The following RAB40C variants were observed in gnomAD, a reference collection of about 807,000 sequenced individuals.
RAB40C encodes the protein ras-related protein Rab-40C.
RAB40C carries 8 observed loss-of-function variants against 28.1 expected under a neutral mutation model. The observed-to-expected ratio is 0.28, with a 90% CI of 0.17 to 0.51. The LOEUF is 0.51. Ranked by LOEUF, RAB40C falls within the 20% of genes least tolerant of loss-of-function variation. The pLI is 0.97. For synonymous variants in RAB40C, 201 were observed against 171.7 expected (o/e 1.17, Z -1.34); for missense variants, 288 against 405.9 (o/e 0.71, Z 2.50).
chr16:612,935 A>G (rs2036511044), intron 1 of RAB40C, among the ~76,000 whole-genome samples: 1 of 48,328 alleles, frequency 2.1e-5, no homozygotes, highest in Non-Finnish European at 4.0e-5. Context: ...AATCAAGAGC[A>G]CGGGACAGCC....
At chr16:624,610 T>G in intron 3 of RAB40C, 1 of 985,388 alleles carries the variant, frequency 1.0e-6, no homozygotes, top group South Asian at 4.7e-5. Flanking sequence ...TCTTTCAGCC[T>G]CAGCCTCTTG....
Position 613,395 on chromosome 16 carries a change from G to T in RAB40C, c.143-3813G>T, listed in dbSNP as rs114995811. On this transcript the variant is annotated intron_variant, in intron 1 of 5. Transcript: ENST00000248139. The stretch of plus-strand genomic sequence containing the variant: ...TTGAAGAGCAGGGACTGCCGCCCTC[G>T]CCTGTAGAATCAAGAGCAGGACTGC... 2.6e-5 allele frequency among the ~76,000 whole-genome samples: 4 copies of T among 152,028 alleles called. No individual in the cohort carries two copies. The East Asian group carries it at 7.8e-4, about 30-fold the overall frequency.
chr16:616,221 A>G (rs1226171042), intron 1 of RAB40C, among the ~76,000 whole-genome samples: 1 of 149,504 alleles, frequency 6.7e-6, no homozygotes, highest in East Asian at 2.0e-4. Flanking sequence ...GCACCACTGC[A>G]CTCCAGCCTG....
chr16:607,443 C>G (rs2036383131), intron 1 of RAB40C, among the ~76,000 whole-genome samples: 1 of 146,982 alleles, frequency 6.8e-6, no homozygotes, highest in Non-Finnish European at 1.5e-5. Flanking sequence ...GTAGAGGTTG[C>G]AGTGAGCTGA....
chr16:595,117 C>T (rs1307768185), intron 1 of RAB40C, among the ~76,000 whole-genome samples: 1 of 152,182 alleles, frequency 6.6e-6, no homozygotes, highest in African/African-American at 2.4e-5. Flanking sequence ...GTTTGCCTTT[C>T]CTCTGTGAGG....
intron 1 of RAB40C, among the ~76,000 whole-genome samples, chr16:598,562 A>C (rs1180375520): frequency 7.3e-6 from 1 of 136,160 alleles, no homozygotes; most frequent in East Asian, 2.1e-4. Context: ...TCTGTCTCAC[A>C]AAAAAAAAAA....
intron 1 of RAB40C, among the ~76,000 whole-genome samples, chr16:599,550 G>A (rs997220646): frequency 2.6e-5 from 4 of 152,238 alleles, no homozygotes; most frequent in South Asian, 2.1e-4. Flanking sequence ...GTGGGTGTTC[G>A]CTACTGTCAG....
chr16:600,776 G>C (rs574411260), intron 1 of RAB40C, among the ~76,000 whole-genome samples: 17 of 152,194 alleles, frequency 1.1e-4, no homozygotes, highest in Non-Finnish European at 2.2e-4. Flanking sequence ...AAGAGCTTTG[G>C]TGCCTACGTG....
At chr16:621,980 T>G (rs1185640027) in intron 3 of RAB40C, among the ~76,000 whole-genome samples, 1 of 152,164 alleles carries the variant, frequency 6.6e-6, no homozygotes, top group Non-Finnish European at 1.5e-5. Context: ...CAGTTGCTCC[T>G]GGGCAGAGCC....
chr16:602,050 C>T (rs1251462182), intron 1 of RAB40C, among the ~76,000 whole-genome samples: 1 of 151,970 alleles, frequency 6.6e-6, no homozygotes, highest in Non-Finnish European at 1.5e-5. Context: ...CGCTTCAACC[C>T]AGGAGGCAGA....
chr16:622,895 C>T (rs1373886907), intron 3 of RAB40C, among the ~76,000 whole-genome samples: 1 of 152,222 alleles, frequency 6.6e-6, no homozygotes, highest in Non-Finnish European at 1.5e-5. Flanking sequence ...CCTTGAGACA[C>T]GCAGCTGAGG....
At chr16:618,860 C>T (rs574904075) in intron 3 of RAB40C, among the ~76,000 whole-genome samples, 1 of 110,646 alleles carries the variant, frequency 9.0e-6, no homozygotes, top group East Asian at 3.1e-4. Context: ...GGCATGTGCA[C>T]AGGTCTGGCG....
chr16:604,485 G>T (rs1418561231), intron 1 of RAB40C, among the ~76,000 whole-genome samples: 2 of 147,520 alleles, frequency 1.4e-5, no homozygotes, highest in Non-Finnish European at 3.1e-5. Flanking sequence ...TAGAATACAC[G>T]TGAGTCCTTC....
chr16:595,845 C>G (rs2036110119), intron 1 of RAB40C, among the ~76,000 whole-genome samples: 1 of 152,180 alleles, frequency 6.6e-6, no homozygotes, highest in Non-Finnish European at 1.5e-5. Flanking sequence ...TTGTGATCCA[C>G]CCTCCTCGGC....
chr16:600,435 CATT>C (rs776983204), intron 1 of RAB40C, among the ~76,000 whole-genome samples: 4 of 147,632 alleles, frequency 2.7e-5, no homozygotes, highest in Non-Finnish European at 4.5e-5. Context: ...GAGTTTAAAA[CATT>C]GTTGTTGGAC....
At chr16:616,405 C>G (rs1596411302) in intron 1 of RAB40C, among the ~76,000 whole-genome samples, 1 of 151,048 alleles carries the variant, frequency 6.6e-6, no homozygotes, top group African/African-American at 2.4e-5. Flanking sequence ...GTGACATGAT[C>G]TCGGCTCACT....
At chr16:590,569 C>G (rs947578361) in intron 1 of RAB40C, 136 bp downstream of exon 1, 1 of 1,165,978 alleles carries the variant, frequency 8.6e-7, no homozygotes, top group Non-Finnish European at 1.1e-6. Context: ...CTTCCAGACT[C>G]GGTAGCTCGG....
At chr16:592,927 T>C (rs2036032833) in intron 1 of RAB40C, among the ~76,000 whole-genome samples, 1 of 152,180 alleles carries the variant, frequency 6.6e-6, no homozygotes, top group Non-Finnish European at 1.5e-5. Context: ...GGGCCAGTAT[T>C]GTGTAAGACG....
intron 1 of RAB40C, among the ~76,000 whole-genome samples, chr16:597,047 G>T (rs985345139): frequency 6.6e-6 from 1 of 152,192 alleles, no homozygotes; most frequent in Non-Finnish European, 1.5e-5. Context: ...TGGGTATGGG[G>T]CGGAAGACCA....
Sources: gnomAD v4.1 joint callset for allele counts (sites outside exome capture counted in the v4.1 genomes callset) on GRCh38, gnomAD v4.1.1 for gene constraint, MANE v1.5 for transcripts, NCBI Gene and HGNC (gene_info 2026-07-23, HGNC 2026-07-21) for gene names.